The following HID1 variants were observed in gnomAD, a reference collection of about 807,000 sequenced individuals.
The protein encoded by HID1 is HID1 domain containing.
A neutral mutation model predicts 89.7 loss-of-function variants in HID1; 42 were observed. That is an observed-to-expected ratio of 0.47 (90% CI 0.37 to 0.61). The LOEUF is 0.61. Ranked by LOEUF, HID1 falls within the 20% of genes least tolerant of loss-of-function variation. HID1 has a pLI of 0.00. For missense variants in HID1, 854 were observed against 1,039.3 expected (o/e 0.82, Z 2.45); for synonymous variants, 442 against 433.8 (o/e 1.02, Z -0.24).
Position 74,962,148 on chromosome 17 carries a change from G to C in HID1, c.611+86C>G. On this transcript the variant is annotated intron_variant, in intron 5 of 18. Transcript: ENST00000425042. The surrounding 1 kb of genome is among the most constrained non-coding windows in gnomAD (Gnocchi z 4.3). ...GTCATAGGTGAGGACGGTCTTCTGG[G>C]AAGACCCCATGGGCTTTCTGAGCTG... 1 of 1,256,662 alleles carries C rather than the reference G, an allele frequency of 8.0e-7. No individual in the cohort carries two copies. The highest frequency in any genetic ancestry group is 2.4e-5 in the East Asian group (1 of 41,292). The allele number at this position is 1,256,662 out of a possible 1,614,324, so 77.8% of individuals were successfully genotyped here.
rs1205464020 is a variant in HID1 at position 74,955,834 on chromosome 17, GGAA to G, written c.1591_1593del (p.Phe531del). 1.9e-6 allele frequency: 3 copies of G among 1,614,204 alleles called. No homozygotes were observed. Among genetic ancestry groups the G allele is most frequent in the South Asian group, 2.2e-5 (2 of 91,092 alleles). ...ATGATGTTGTTGAAGACCTCCAGGA[GGAA>G]GAAGACCAGGTGGTGGTTCTGGGCG... On this transcript the variant is annotated inframe_deletion, in exon 13 of 19. Transcript: ENST00000425042.
Position 74,958,157 on chromosome 17 carries a change from G to C in HID1, c.1455C>G (p.Leu485=). The change falls in exon 12 of 19, where the codon CTC becomes CTG. Residue 485 remains leucine, a synonymous_variant. Transcript: ENST00000425042. The surrounding 1 kb of genome is among the most constrained non-coding windows in gnomAD (Gnocchi z 5.2). The stretch of plus-strand genomic sequence containing the variant: ...GGCCCCTACCGTTGACCACGATGGT[G>C]AGCAGGCAGTCGAAGAGGGGCTGCA... ...QRLQPLFDCL[L]TIVVNVSPYL... 6.2e-7 allele frequency: 1 copy of C among 1,609,676 alleles called. No individual in the cohort carries two copies. Among genetic ancestry groups the C allele is most frequent in the Non-Finnish European group, 8.5e-7 (1 of 1,178,414 alleles).
chr17:74,968,065 A>T (rs1337949522), intron 1 of HID1: 4 of 152,436 alleles, frequency 2.6e-5, no homozygotes, highest in East Asian at 1.9e-4. Context: ...TGATTGTGCC[A>T]CTGTACTCCA....
rs548795523 is a variant in HID1 at position 74,957,684 on chromosome 17, G to A, written c.1471+457C>T. 2.6e-5 allele frequency among the ~76,000 whole-genome samples: 4 copies of A among 151,856 alleles called. No homozygotes were observed. In the South Asian group the frequency reaches 8.3e-4, roughly 32 times the overall value. On this transcript the variant is annotated intron_variant, in intron 12 of 18. Coordinates refer to ENST00000425042, the MANE Select transcript of HID1 (RefSeq NM_030630.3). Reference sequence around the variant, plus strand: ...GGAGGCTGAGGTGGGCATATCATCTGAGGTCAGGAGTTCGAGACCAGCCTG... The same window carrying A: ...GGAGGCTGAGGTGGGCATATCATCTAAGGTCAGGAGTTCGAGACCAGCCTG...
At chr17:74,953,480 C>T (rs2039338441) in intron 15 of HID1, 65 bp downstream of exon 15, 1 of 1,370,486 alleles carries the variant, frequency 7.3e-7, no homozygotes, top group African/African-American at 1.4e-5. Flanking sequence ...CCAGCCCCTA[C>T]TGCAGAGACC....
chr17:74,953,744 T>C, intron 14 of HID1, 93 bp from the exon 15 acceptor site: 1 of 1,006,166 alleles, frequency 9.9e-7, no homozygotes. Context: ...TTTGTTTTAC[T>C]CCTGCTTCCC....
chr17:74,956,798 A>T (rs2039397520), intron 12 of HID1, among the ~76,000 whole-genome samples: 1 of 152,210 alleles, frequency 6.6e-6, no homozygotes, highest in African/African-American at 2.4e-5. Flanking sequence ...CTAGGTCCTG[A>T]ACCCCAGGGA....
chr17:74,966,781 A>T (rs999204439), intron 1 of HID1, among the ~76,000 whole-genome samples: 1 of 151,442 alleles, frequency 6.6e-6, no homozygotes, highest in African/African-American at 2.4e-5. Context: ...TTTTGTAGAG[A>T]CCCTATCTCT....
Position 74,964,423 on chromosome 17 carries a change from C to G in HID1, c.216+60G>C, listed in dbSNP as rs542704776. On this transcript the variant is annotated intron_variant, in intron 2 of 18. Coordinates refer to ENST00000425042, the MANE Select transcript of HID1 (RefSeq NM_030630.3). ...GGCGGGAGGCCCTGGATGCGCCTGCCTTCTCCTGCTGTGGGCTGGGAGGGT... is the reference window on the plus strand; with the variant it reads ...GGCGGGAGGCCCTGGATGCGCCTGCGTTCTCCTGCTGTGGGCTGGGAGGGT... 1.5e-4 allele frequency: 237 copies of G among 1,551,238 alleles called. 1 individual carries two copies. In the African/African-American group the frequency reaches 2.2e-3, roughly 14 times the overall value.
rs1442318615 is a variant in HID1 at position 74,961,854 on chromosome 17, A to G, written c.728+19T>C. On this transcript the variant is annotated intron_variant, in intron 6 of 18. Coordinates refer to ENST00000425042, the MANE Select transcript of HID1 (RefSeq NM_030630.3). ...GGAATAAGAGGGAAGAGAGCGCAGAAAGGCCAAGGGCCCTTCACCTGTTCT... is the reference window on the plus strand; with the variant it reads ...GGAATAAGAGGGAAGAGAGCGCAGAGAGGCCAAGGGCCCTTCACCTGTTCT... The G allele has an allele frequency of 1.4e-6, 2 of 1,400,960 alleles. No individual in the cohort carries two copies. The highest frequency in any genetic ancestry group is 5.4e-5 in the Admixed American group (2 of 36,870). The allele number at this position is 1,400,960 out of a possible 1,614,324, so 86.8% of individuals were successfully genotyped here.
Position 74,964,495 on chromosome 17 carries a change from G to T in HID1, c.204C>A (p.Thr68=). ...VREESPSNLA[T]LCYKAVEKLV... ...GGGCAGCCCTCACCTTGTAGCACAG[G>T]GTGGCCAAGTTGGAGGGTGACTCTT... Residue 68 remains threonine, a synonymous_variant, in exon 2 of 19, where the codon ACC becomes ACA. Coordinates refer to ENST00000425042, the MANE Select transcript of HID1 (RefSeq NM_030630.3). 1 of 1,610,010 alleles carries T rather than the reference G, an allele frequency of 6.2e-7. No individual in the cohort carries two copies. The highest frequency in any genetic ancestry group is 8.5e-7 in the Non-Finnish European group (1 of 1,178,466).
At chr17:74,951,680 A>G (rs1234079068) in intron 18 of HID1, 47 bp from the exon 19 acceptor site, 2 of 1,568,298 alleles carry the variant, frequency 1.3e-6, no homozygotes, top group African/African-American at 1.3e-5. Flanking sequence ...CACCTTGCAG[A>G]CAAGGCACCA....
At chr17:74,951,880 C>T (rs774124566) in intron 18 of HID1, 25 bp downstream of exon 18, 20 of 1,491,358 alleles carry the variant, frequency 1.3e-5, no homozygotes, top group Non-Finnish European at 9.8e-6. Flanking sequence ...CTCAGGTGGA[C>T]ACCACCCCAC....
chr17:74,955,479 C>T (rs1017396532), intron 13 of HID1, among the ~76,000 whole-genome samples: 38 of 148,618 alleles, frequency 2.6e-4, no homozygotes, highest in Admixed American at 1.4e-3. Flanking sequence ...CCAGCCTGGG[C>T]GACAGAGTGA....
At chr17:74,956,023 G>A in intron 12 of HID1, 67 bp from the exon 13 acceptor site, 2 of 1,521,528 alleles carry the variant, frequency 1.3e-6, no homozygotes, top group East Asian at 2.3e-5. Flanking sequence ...TCCTGGGCCG[G>A]GGTGGAACAA....
chr17:74,966,362 A>G (rs1453373609), intron 1 of HID1, among the ~76,000 whole-genome samples: 1 of 149,722 alleles, frequency 6.7e-6, no homozygotes, highest in African/African-American at 2.5e-5. Flanking sequence ...GGGTGGTTTT[A>G]TATTTTTCTT....
At position 74,962,515 on chromosome 17, in the gene HID1, T is replaced by C. The variant is rs943174389; in HGVS notation, c.505-175A>G. ...CATGCACAAGAGCAGGAGTGAATATTCTTAGGCCTCTTGAAAGCTCATTTT... is the reference window on the plus strand; with the variant it reads ...CATGCACAAGAGCAGGAGTGAATATCCTTAGGCCTCTTGAAAGCTCATTTT... On this transcript the variant is annotated intron_variant, in intron 4 of 18. Transcript: ENST00000425042. The surrounding 1 kb of genome is among the most constrained non-coding windows in gnomAD (Gnocchi z 4.3). Among the ~76,000 whole-genome samples the C allele has an allele frequency of 3.9e-5, 6 of 152,094 alleles. No individual in the cohort carries two copies. In the East Asian group the frequency reaches 1.2e-3, roughly 29 times the overall value.
chr17:74,952,120 C>T, intron 17 of HID1, 57 bp from the exon 18 acceptor site: 2 of 1,529,888 alleles, frequency 1.3e-6, no homozygotes, highest in Non-Finnish European at 1.8e-6. Context: ...GCACGGGGCT[C>T]ACCCTGGCCA....
intron 6 of HID1, 58 bp from the exon 7 acceptor site, chr17:74,960,306 A>G: frequency 6.9e-7 from 1 of 1,453,426 alleles, no homozygotes; most frequent in South Asian, 1.2e-5. Flanking sequence ...CCCCCTGGCC[A>G]CACCTCTCTG....
Sources: allele counts gnomAD v4.1 joint callset (sites outside exome capture counted in the v4.1 genomes callset), GRCh38; gene constraint gnomAD v4.1.1; non-coding constraint Gnocchi (gnomAD v3.1); transcripts MANE v1.5; gene names NCBI Gene and HGNC (gene_info 2026-07-23, HGNC 2026-07-21).